TGFA: variants seen among roughly 807,000 people sequenced by gnomAD.
TGFA encodes transforming growth factor alpha.
Under a neutral mutation model 21.7 loss-of-function variants are expected in TGFA, and 12 were observed. The ratio of observed to expected loss-of-function variants is 0.55; its 90% confidence interval spans 0.35 to 0.90. The LOEUF is 0.90. Among genes scored for constraint, TGFA ranks in the 40% least tolerant of loss-of-function variants. TGFA has a pLI of 0.01. For missense variants in TGFA, 178 were observed against 210.8 expected, an observed-to-expected ratio of 0.84 and a Z score of 0.96; for synonymous variants, 79 against 88.1, an observed-to-expected ratio of 0.90 and a Z score of 0.58.
At position 70,504,485 on chromosome 2, in the gene TGFA, C is replaced by CAT. The variant is rs1435261573; in HGVS notation, c.94+10373_94+10374insAT. ...ATATACACACATACATACATACATA[C>CAT]ACACACACACACACACACACACACA... is the stretch of plus-strand genomic sequence containing the variant. On this transcript the variant is annotated intron_variant, in intron 2 of 5. Transcript: ENST00000295400. Among the ~76,000 whole-genome samples, 499 of 70,276 alleles carry CAT rather than the reference C, an allele frequency of 7.1e-3. 1 individual carries two copies. The highest frequency in any genetic ancestry group is 0.035 in the East Asian group (85 of 2,408). The allele number at this position is 70,276 out of a possible 152,430, so 46.1% of individuals were successfully genotyped here.
At chr2:70,456,804 A>G (rs1179063536) in intron 3 of TGFA, among the ~76,000 whole-genome samples, 1 of 152,220 alleles carries the variant, frequency 6.6e-6, no homozygotes, top group Non-Finnish European at 1.5e-5. Context: ...TGTGTTCATG[A>G]CATAAGCCTC....
intron 3 of TGFA, among the ~76,000 whole-genome samples, chr2:70,460,676 TGGGGGCTG>T (rs1670380063): frequency 6.6e-6 from 1 of 152,164 alleles, no homozygotes; most frequent in Admixed American, 6.5e-5. Flanking sequence ...CTCTGTGCTC[TGGGGGCTG>T]GTGGGGAGAG....
chr2:70,553,445 T>C, intron 1 of TGFA: 2 of 1,420,866 alleles, frequency 1.4e-6, no homozygotes, highest in South Asian at 3.1e-5. Context: ...CTGCGGCGGA[T>C]TAAAGTTCAA....
chr2:70,491,095 A>G (rs1183684143), intron 2 of TGFA, among the ~76,000 whole-genome samples: 1 of 152,178 alleles, frequency 6.6e-6, no homozygotes, highest in Non-Finnish European at 1.5e-5. Context: ...CCACCTACCC[A>G]TCTACCTTTA....
intron 1 of TGFA, among the ~76,000 whole-genome samples, chr2:70,540,228 G>T (rs1241967001): frequency 1.3e-5 from 2 of 152,160 alleles, no homozygotes; most frequent in African/African-American, 4.8e-5. Context: ...GAAGTGATGG[G>T]TATCCACTGG....
chr2:70,521,610 T>TTG (rs1672465097), intron 1 of TGFA, among the ~76,000 whole-genome samples: 2 of 86,270 alleles, frequency 2.3e-5, no homozygotes, highest in African/African-American at 5.4e-5. Flanking sequence ...TTTGTTGTTG[T>TTG]TTGTTTGTTT....
chr2:70,493,895 C>T (rs1210654524), intron 2 of TGFA, among the ~76,000 whole-genome samples: 3 of 152,178 alleles, frequency 2.0e-5, no homozygotes, highest in Admixed American at 2.0e-4. Flanking sequence ...TTTGATTTTT[C>T]CTCCTTTTCC....
chr2:70,462,552 C>G (rs1247338128), intron 3 of TGFA, among the ~76,000 whole-genome samples: 1 of 152,154 alleles, frequency 6.6e-6, no homozygotes, highest in Non-Finnish European at 1.5e-5. Context: ...GGGCGGCACA[C>G]CTGAGTGAGT....
intron 2 of TGFA, among the ~76,000 whole-genome samples, chr2:70,471,824 C>T (rs1217080353): frequency 6.6e-6 from 1 of 152,078 alleles, no homozygotes; most frequent in African/African-American, 2.4e-5. Flanking sequence ...TGTCAATGGG[C>T]AAGGGTTTGC....
rs1553489208 is a variant in TGFA at position 70,449,312 on chromosome 2, T to G, written c.*1547A>C. On this transcript the variant is annotated 3_prime_UTR_variant, in exon 6 of 6. Transcript: ENST00000295400. Reference sequence around the variant, plus strand: ...CATATTTTAAATGTACCTTTCACGATGTAATAAGCTAGGTGCACTTAAGAG... The same window carrying G: ...CATATTTTAAATGTACCTTTCACGAGGTAATAAGCTAGGTGCACTTAAGAG... The G allele has an allele frequency of 1.3e-5, 2 of 152,382 alleles. No homozygotes were observed. Among genetic ancestry groups the G allele is most frequent in the Non-Finnish European group, 2.9e-5 (2 of 68,162 alleles). 9.4% of individuals were successfully genotyped at this position (152,382 alleles called of 1,614,324 possible).
At chr2:70,504,469 C>CATACATACATATATATATATATAT (rs1671852154) in intron 2 of TGFA, among the ~76,000 whole-genome samples, 1 of 80,628 alleles carries the variant, frequency 1.2e-5, no homozygotes, top group Admixed American at 1.3e-4. Flanking sequence ...TATATACACA[C>CATACATACATATATATATATATAT]ATACATACAT....
intron 2 of TGFA, among the ~76,000 whole-genome samples, chr2:70,480,563 C>T (rs1553495268): frequency 2.0e-5 from 3 of 152,032 alleles, no homozygotes; most frequent in African/African-American, 7.3e-5. Flanking sequence ...CCCTGGAAAC[C>T]CTTTGCTTAT....
chr2:70,520,717 G>A (rs1559132945), intron 1 of TGFA, among the ~76,000 whole-genome samples: 1 of 151,944 alleles, frequency 6.6e-6, no homozygotes, highest in Non-Finnish European at 1.5e-5. Context: ...GTAGGCTGTT[G>A]AAGTTATCAC....
At chr2:70,478,846 C>T (rs1553494930) in intron 2 of TGFA, among the ~76,000 whole-genome samples, 1 of 151,616 alleles carries the variant, frequency 6.6e-6, no homozygotes, top group Non-Finnish European at 1.5e-5. Context: ...GACTTCTTTC[C>T]CCTTTTGTGG....
intron 3 of TGFA, among the ~76,000 whole-genome samples, chr2:70,464,449 A>C (rs1276859646): frequency 6.6e-6 from 1 of 152,066 alleles, no homozygotes; most frequent in Non-Finnish European, 1.5e-5. Context: ...TGGATCCATG[A>C]CTCTTAACTG....
At chr2:70,490,651 G>C (rs939533353) in intron 2 of TGFA, among the ~76,000 whole-genome samples, 40 of 152,166 alleles carry the variant, frequency 2.6e-4, no homozygotes, top group African/African-American at 9.2e-4. Flanking sequence ...ATGTCTTTCA[G>C]CATCATGTTG....
rs1236056010 is a variant in TGFA, at chr2:70,538,977, C to A, written c.40+14751G>T. Among the ~76,000 whole-genome samples the A allele has an allele frequency of 3.3e-5, 5 of 152,126 alleles. No homozygotes were observed. In the East Asian group the frequency reaches 7.7e-4, roughly 23 times the overall value. On this transcript the variant is annotated intron_variant, in intron 1 of 5. Coordinates refer to ENST00000295400, the MANE Select transcript of TGFA (RefSeq NM_003236.4). Reference sequence around the variant, plus strand: ...TATTTTAAGAAATTGCTCCAGTTACCCTAACCTTCAGCAACCACAACCCTG... The same window carrying A: ...TATTTTAAGAAATTGCTCCAGTTACACTAACCTTCAGCAACCACAACCCTG...
chr2:70,475,970 C>G (rs782244891), intron 2 of TGFA, among the ~76,000 whole-genome samples: 6 of 148,396 alleles, frequency 4.0e-5, no homozygotes, highest in Non-Finnish European at 7.4e-5. Context: ...ATATACTGGA[C>G]GAAGATCACA....
At chr2:70,528,517 T>TG (rs1332198734) in intron 1 of TGFA, among the ~76,000 whole-genome samples, 1 of 7,876 alleles carries the variant, frequency 1.3e-4, no homozygotes, top group Non-Finnish European at 2.4e-4. Flanking sequence ...TAGAACGATG[T>TG]GGGGGGCGGG....
Sources: gnomAD v4.1 joint callset for allele counts (sites outside exome capture counted in the v4.1 genomes callset) on GRCh38, gnomAD v4.1.1 for gene constraint, MANE v1.5 for transcripts, NCBI Gene and HGNC (gene_info 2026-07-23, HGNC 2026-07-21) for gene names.